The following PPM1D variants were observed in gnomAD, a reference collection of about 807,000 sequenced individuals.
PPM1D encodes the protein protein phosphatase 1D.
In PPM1D, 52 loss-of-function variants were observed where a neutral mutation model predicts 58.3. The ratio of observed to expected loss-of-function variants is 0.89; its 90% CI spans 0.71 to 1.12. PPM1D has a LOEUF of 1.12. Among genes scored for constraint, PPM1D ranks in the 50% most tolerant of loss-of-function variants. The pLI is 0.00. For synonymous variants in PPM1D, 278 were observed against 285.1 expected (o/e 0.98, Z 0.25); for missense variants, 564 against 777.2 (o/e 0.73, Z 3.26).
chr17:60,638,454 C>T (rs905537410), intron 3 of PPM1D, among the ~76,000 whole-genome samples: 3 of 151,950 alleles, frequency 2.0e-5, no homozygotes, highest in Non-Finnish European at 2.9e-5. Context: ...CTGCAACTTC[C>T]GCCTCCCCGG....
At chr17:60,632,320 T>C (rs979865596) in intron 2 of PPM1D, among the ~76,000 whole-genome samples, 1 of 152,218 alleles carries the variant, frequency 6.6e-6, no homozygotes, top group Non-Finnish European at 1.5e-5. Flanking sequence ...GCTGATCTAT[T>C]TCACAAAGTC....
intron 1 of PPM1D, among the ~76,000 whole-genome samples, chr17:60,611,406 A>G (rs2030451902): frequency 6.6e-6 from 1 of 151,120 alleles, no homozygotes; most frequent in Admixed American, 6.6e-5. Context: ...GAAATTCTTT[A>G]TGTATTTTGT....
intron 2 of PPM1D, among the ~76,000 whole-genome samples, chr17:60,630,071 T>C (rs920254269): frequency 2.0e-5 from 3 of 151,974 alleles, no homozygotes; most frequent in African/African-American, 7.3e-5. Context: ...AGCAGCTGGC[T>C]GCGGCACTTG....
At chr17:60,614,963 C>G (rs2030552046) in intron 1 of PPM1D, among the ~76,000 whole-genome samples, 1 of 152,176 alleles carries the variant, frequency 6.6e-6, no homozygotes, top group African/African-American at 2.4e-5. Flanking sequence ...GACCAAGAAC[C>G]CACCAATTCT....
rs189919775 is a variant in PPM1D, at chr17:60,647,114, A to G, written c.827-778A>G. On this transcript the variant is annotated intron_variant, in intron 3 of 5. Transcript: ENST00000305921. Reference sequence around the variant, plus strand: ...CTTTGCGCTTAGCCTGTCAAATTCTACAACAATCCTTTTGGGATTTTGGTT... The same window carrying G: ...CTTTGCGCTTAGCCTGTCAAATTCTGCAACAATCCTTTTGGGATTTTGGTT... 1.0e-3 allele frequency among the ~76,000 whole-genome samples: 155 copies of G among 152,354 alleles called. 1 individual carries two copies. The highest frequency in any genetic ancestry group is 3.6e-3 in the African/African-American group (148 of 41,594).
intron 2 of PPM1D, among the ~76,000 whole-genome samples, 177 bp downstream of exon 2, chr17:60,623,926 A>T (rs1033084303): frequency 6.6e-6 from 1 of 152,170 alleles, no homozygotes; most frequent in Non-Finnish European, 1.5e-5. Flanking sequence ...TCTCATTACT[A>T]TGAATTGACT....
chr17:60,665,607 A>G lies in PPM1D; in HGVS notation c.*2055A>G, dbSNP rs540120646. The stretch of plus-strand genomic sequence containing the variant: ...GTGTGTCTTATGCCACAAGGATTAA[A>G]ATATGTATTCATTGCTACAAAACAA... On this transcript the variant is annotated 3_prime_UTR_variant, in exon 6 of 6. Transcript: ENST00000305921. 6.6e-6 allele frequency: 1 copy of G among 152,356 alleles called. No individual in the cohort carries two copies. The highest frequency in any genetic ancestry group is 2.1e-4 in the South Asian group (1 of 4,832). The allele number at this position is 152,356 out of a possible 1,614,324, so 9.4% of individuals were successfully genotyped here. A position where few individuals can be genotyped will look rare whatever the true frequency, so the allele number is the denominator to read the frequency against.
At chr17:60,640,071 C>T (rs75626748) in intron 3 of PPM1D, among the ~76,000 whole-genome samples, 7,092 of 152,260 alleles carry the variant, frequency 0.047, 589 homozygotes, top group African/African-American at 0.16. Context: ...ATAATTCTAA[C>T]ACTTTGGGAG....
At chr17:60,621,208 C>T (rs2030693900) in intron 1 of PPM1D, among the ~76,000 whole-genome samples, 1 of 152,240 alleles carries the variant, frequency 6.6e-6, no homozygotes, top group African/African-American at 2.4e-5. Context: ...CATGTGTGAG[C>T]CACCGCATCC....
At chr17:60,623,811 A>G in intron 2 of PPM1D, 62 bp downstream of exon 2, 1 of 1,499,008 alleles carries the variant, frequency 6.7e-7, no homozygotes. Context: ...ATGCTTTACT[A>G]ATGAAATTGA....
chr17:60,613,690 G>T (rs969995200), intron 1 of PPM1D, among the ~76,000 whole-genome samples: 4 of 152,236 alleles, frequency 2.6e-5, no homozygotes, highest in South Asian at 2.1e-4. Context: ...CATGGGCTCC[G>T]CAGGCCCTGC....
rs540821023 is a variant in PPM1D, at chr17:60,633,752, T to C, written c.702-101T>C. ...TTGAAACACATAAGACATTATTTTGTAATAATGTAGTCTTATTTTATTAGT... is the reference window on the plus strand; with the variant it reads ...TTGAAACACATAAGACATTATTTTGCAATAATGTAGTCTTATTTTATTAGT... On this transcript the variant is annotated intron_variant, in intron 2 of 5. Transcript: ENST00000305921. 5.5e-4 allele frequency: 643 copies of C among 1,179,082 alleles called. 1 individual carries two copies. Among genetic ancestry groups the C allele is most frequent in the Non-Finnish European group, 5.6e-4 (479 of 851,176 alleles). 73.0% of individuals were successfully genotyped at this position (1,179,082 alleles called of 1,614,324 possible).
chr17:60,637,659 G>C (rs561752717), intron 3 of PPM1D, among the ~76,000 whole-genome samples: 6 of 152,148 alleles, frequency 3.9e-5, no homozygotes, highest in Admixed American at 1.3e-4. Context: ...ACAAAGTCTT[G>C]AGGTCATGTA....
intron 3 of PPM1D, among the ~76,000 whole-genome samples, chr17:60,645,831 G>A (rs944124166): frequency 7.9e-5 from 12 of 151,310 alleles, no homozygotes; most frequent in Admixed American, 4.0e-4. Context: ...CATACTATGC[G>A]AATATATTAC....
chr17:60,613,898 C>A (rs987439246), intron 1 of PPM1D, among the ~76,000 whole-genome samples: 6 of 146,400 alleles, frequency 4.1e-5, no homozygotes, highest in Admixed American at 1.3e-4. Flanking sequence ...AGGCCCCCCC[C>A]CCGCCACCCC....
intron 2 of PPM1D, among the ~76,000 whole-genome samples, chr17:60,630,021 C>A (rs2030887933): frequency 1.3e-5 from 2 of 151,894 alleles, no homozygotes. Context: ...GCCTGCCCAA[C>A]AAGAGTGAAA....
intron 3 of PPM1D, among the ~76,000 whole-genome samples, chr17:60,637,773 T>C (rs974562962): frequency 2.6e-5 from 4 of 152,020 alleles, no homozygotes; most frequent in African/African-American, 7.2e-5. Context: ...ATTTGAGGGT[T>C]GGATTAAAAT....
chr17:60,615,701 G>C (rs1490011177), intron 1 of PPM1D, among the ~76,000 whole-genome samples: 4 of 145,702 alleles, frequency 2.7e-5, no homozygotes, highest in Non-Finnish European at 6.0e-5. Flanking sequence ...TTTGGGTAGA[G>C]ATAGGGTCTT....
chr17:60,621,711 C>T (rs2030706874), intron 1 of PPM1D, among the ~76,000 whole-genome samples: 1 of 150,798 alleles, frequency 6.6e-6, no homozygotes, highest in Non-Finnish European at 1.5e-5. Flanking sequence ...GTAGCTGGGA[C>T]TACGGGCACC....
Sources: allele counts gnomAD v4.1 joint callset (sites outside exome capture counted in the v4.1 genomes callset), GRCh38; gene constraint gnomAD v4.1.1; transcripts MANE v1.5; gene names NCBI Gene and HGNC (gene_info 2026-07-23, HGNC 2026-07-21).